Variants in SEC23B observed in about 807,000 individuals in gnomAD.
SEC23B encodes protein transport protein Sec23B.
In SEC23B, 77 loss-of-function variants were observed where a neutral mutation model predicts 104.3. The ratio of observed to expected loss-of-function variants is 0.74; its 90% CI spans 0.61 to 0.89. SEC23B has a LOEUF of 0.89. Among genes scored for constraint, SEC23B ranks in the 40% least tolerant of loss-of-function variants. The probability of loss-of-function intolerance (pLI) is 0.00; values close to 1 mark genes in which losing one functional copy is unlikely to be tolerated. For synonymous variants in SEC23B, 338 were observed against 332.5 expected, an observed-to-expected ratio of 1.02 and a Z score of -0.18; for missense variants, 885 against 949.4, an observed-to-expected ratio of 0.93 and a Z score of 0.89.
rs948702322 is a variant in SEC23B at position 18,537,950 on chromosome 20, T to C, written c.1404+2208T>C. On this transcript the variant is annotated intron_variant, in intron 12 of 19. Transcript: ENST00000650089. ...GCAGTTTCTTCTCTTTTTGTTTTTT[T>C]TTTAATTAAGACAAAGTCTTGTTCT... Among the ~76,000 whole-genome samples, 10 of 151,986 alleles carry C rather than the reference T, an allele frequency of 6.6e-5. No individual in the cohort carries two copies. The South Asian group carries it at 8.3e-4, about 13-fold the overall frequency.
At chr20:18,559,596 A>G (rs1203923744) in intron 19 of SEC23B, among the ~76,000 whole-genome samples, 2 of 152,100 alleles carry the variant, frequency 1.3e-5, no homozygotes, top group Non-Finnish European at 2.9e-5. Context: ...TGCCCGGAGT[A>G]CAGTGGTTAT....
Position 18,512,233 on chromosome 20 carries a change from AT to A in SEC23B, c.232del (p.Tyr78IlefsTer27), listed in dbSNP as rs755327946. On this transcript the variant is annotated frameshift_variant, in exon 3 of 20. Transcript: ENST00000650089. LOFTEE classifies it high-confidence loss of function. ...ATTTATCTTTCTCACAGTCAGGTTG[AT>A]TATCGAGCAAAACTTTGGGCCTGTA... ...KAVLNPLCQV[D>X]YRAKLWACNF... The A allele has an allele frequency of 6.3e-7, 1 of 1,589,324 alleles. No individual in the cohort carries two copies. The highest frequency in any genetic ancestry group is 1.1e-5 in the South Asian group (1 of 88,794).
Position 18,527,623 on chromosome 20 carries a change from G to A in SEC23B, c.1109+12G>A, listed in dbSNP as rs767047492. 2.7e-6 allele frequency: 4 copies of A among 1,464,058 alleles called. No individual in the cohort carries two copies. The highest frequency in any genetic ancestry group is 3.8e-6 in the Non-Finnish European group (4 of 1,043,034). 90.7% of individuals were successfully genotyped at this position (1,464,058 alleles called of 1,614,324 possible). On this transcript the variant is annotated intron_variant, in intron 9 of 19. Coordinates refer to ENST00000650089, the MANE Select transcript of SEC23B (RefSeq NM_006363.6). ...GCAAATCTTACTGGGTATGTTGACA[G>A]TGAAAACCTGGGCAGAGTGACAGTG...
intron 4 of SEC23B, among the ~76,000 whole-genome samples, chr20:18,516,158 A>G (rs1038928324): frequency 2.7e-5 from 4 of 149,822 alleles, no homozygotes; most frequent in African/African-American, 4.9e-5. Flanking sequence ...TGGGCCAGCC[A>G]CTCCTTCTTA....
intron 4 of SEC23B, among the ~76,000 whole-genome samples, chr20:18,518,042 A>G (rs538052791): frequency 0.011 from 1,677 of 151,400 alleles, 36 homozygotes; most frequent in African/African-American, 0.039. Flanking sequence ...TTAAAAGACC[A>G]TTAGTTTGTC....
At chr20:18,527,230 A>G (rs902000829) in intron 8 of SEC23B, among the ~76,000 whole-genome samples, 5 of 152,036 alleles carry the variant, frequency 3.3e-5, no homozygotes, top group Non-Finnish European at 7.4e-5. Context: ...GTAAATAAAA[A>G]TAAAAATACA....
chr20:18,534,669 A>G (rs2060212721), intron 11 of SEC23B, among the ~76,000 whole-genome samples: 1 of 152,198 alleles, frequency 6.6e-6, no homozygotes, highest in Non-Finnish European at 1.5e-5. Flanking sequence ...CAACAGCCTA[A>G]TGGTTTTTAG....
intron 6 of SEC23B, among the ~76,000 whole-genome samples, chr20:18,525,567 G>A (rs532853079): frequency 2.5e-4 from 38 of 151,562 alleles, no homozygotes; most frequent in African/African-American, 7.5e-4. Flanking sequence ...TTTTTTTTCC[G>A]TGCAACATAA....
intron 19 of SEC23B, among the ~76,000 whole-genome samples, chr20:18,557,908 C>T (rs112706076): frequency 5.5e-4 from 83 of 151,960 alleles, no homozygotes; most frequent in African/African-American, 1.8e-3. Flanking sequence ...TGCACCACCA[C>T]GCCTGACTAA....
intron 11 of SEC23B, among the ~76,000 whole-genome samples, chr20:18,535,203 C>T (rs2060218372): frequency 6.6e-6 from 1 of 150,788 alleles, no homozygotes; most frequent in Admixed American, 6.6e-5. Flanking sequence ...CCCACCCCCC[C>T]CCACACACAC....
At chr20:18,526,202 G>C (rs1040967832) in intron 7 of SEC23B, among the ~76,000 whole-genome samples, 171 bp from the exon 8 acceptor site, 10 of 152,224 alleles carry the variant, frequency 6.6e-5, no homozygotes, top group African/African-American at 2.4e-4. Flanking sequence ...CATAAGGTTG[G>C]AAGAAGACAA....
intron 3 of SEC23B, among the ~76,000 whole-genome samples, chr20:18,513,892 G>A (rs182101762): frequency 3.9e-5 from 6 of 152,312 alleles, no homozygotes; most frequent in Non-Finnish European, 5.9e-5. Flanking sequence ...CTTATTTCCT[G>A]TGTAACTTTG....
intron 4 of SEC23B, among the ~76,000 whole-genome samples, chr20:18,521,968 G>C (rs1170880502): frequency 6.6e-6 from 1 of 152,170 alleles, no homozygotes; most frequent in African/African-American, 2.4e-5. Context: ...TAGAATCATT[G>C]TCGAGTTTGT....
intron 12 of SEC23B, among the ~76,000 whole-genome samples, chr20:18,540,907 A>T (rs558563518): frequency 1.3e-5 from 2 of 152,236 alleles, no homozygotes; most frequent in African/African-American, 4.8e-5. Flanking sequence ...AAGAGAGTCA[A>T]CCTGCCCTTT....
At chr20:18,512,080 C>T in intron 2 of SEC23B, 145 bp from the exon 3 acceptor site, 1 of 547,694 alleles carries the variant, frequency 1.8e-6, no homozygotes, top group Non-Finnish European at 3.3e-6. Context: ...TTTGCATACT[C>T]ATACTTATGC....
At chr20:18,519,087 A>G (rs2060059982) in intron 4 of SEC23B, among the ~76,000 whole-genome samples, 2 of 152,328 alleles carry the variant, frequency 1.3e-5, no homozygotes, top group Middle Eastern at 3.4e-3. Flanking sequence ...ATACTATGGC[A>G]TAGCCTGCCT....
At chr20:18,546,810 G>C (rs746405037) in intron 15 of SEC23B, among the ~76,000 whole-genome samples, 2 of 152,044 alleles carry the variant, frequency 1.3e-5, no homozygotes, top group African/African-American at 4.8e-5. Context: ...TGCTGGCTCC[G>C]CAGGGGCTGA....
intron 12 of SEC23B, among the ~76,000 whole-genome samples, chr20:18,542,071 T>C (rs74917795): frequency 0.011 from 1,662 of 152,318 alleles, 36 homozygotes; most frequent in African/African-American, 0.038. Context: ...AACACTTCAG[T>C]AGGTGTATCA....
chr20:18,527,793 G>C (rs1355406673), intron 9 of SEC23B, among the ~76,000 whole-genome samples, 182 bp downstream of exon 9: 6 of 152,166 alleles, frequency 3.9e-5, no homozygotes, highest in Non-Finnish European at 8.8e-5. Context: ...GTGATTAGTA[G>C]GAGGGCTCAA....
Sources: allele counts gnomAD v4.1 joint callset (sites outside exome capture counted in the v4.1 genomes callset), GRCh38; gene constraint gnomAD v4.1.1; transcripts MANE v1.5; gene names NCBI Gene and HGNC (gene_info 2026-07-23, HGNC 2026-07-21).